The following RASGRF2 variants were observed in gnomAD, a reference collection of about 807,000 sequenced individuals.
The protein encoded by RASGRF2 is ras-specific guanine nucleotide-releasing factor 2.
RASGRF2 carries 76 observed loss-of-function variants against 151.0 expected under a neutral mutation model. That is an observed-to-expected ratio of 0.50 (90% CI 0.42 to 0.61). The LOEUF (loss-of-function observed/expected upper bound fraction) is 0.61, where lower values mean the gene tolerates loss of function less well. RASGRF2 is among the 20% of genes least tolerant of loss of function. The pLI, the probability that RASGRF2 is intolerant of heterozygous loss-of-function variation, is 0.00. For synonymous variants in RASGRF2, 504 were observed against 566.5 expected (o/e 0.89, Z 1.57); for missense variants, 1,148 against 1,564.6 (o/e 0.73, Z 4.49).
intron 17 of RASGRF2, among the ~76,000 whole-genome samples, chr5:81,145,125 C>T (rs1383515634): frequency 6.6e-6 from 1 of 151,910 alleles, no homozygotes; most frequent in African/African-American, 2.4e-5. Flanking sequence ...ATCTGTAATC[C>T]CAGCTACTTA....
At chr5:80,972,013 G>T (rs956536488) in intron 1 of RASGRF2, among the ~76,000 whole-genome samples, 4 of 152,128 alleles carry the variant, frequency 2.6e-5, no homozygotes, top group African/African-American at 7.2e-5. Context: ...GGGATTACAG[G>T]CATGAGCCAC....
intron 17 of RASGRF2, among the ~76,000 whole-genome samples, chr5:81,132,691 G>T (rs569980046): frequency 1.3e-5 from 2 of 152,256 alleles, no homozygotes; most frequent in South Asian, 4.1e-4. Flanking sequence ...AACTGTTAAA[G>T]CTTCATACTG....
At chr5:81,203,638 C>T (rs1196274658) in intron 19 of RASGRF2, among the ~76,000 whole-genome samples, 2 of 152,198 alleles carry the variant, frequency 1.3e-5, no homozygotes, top group Non-Finnish European at 2.9e-5. Context: ...CTACCTTTTG[C>T]AGGATGTCAC....
At chr5:81,139,478 A>G (rs1441148380) in intron 17 of RASGRF2, among the ~76,000 whole-genome samples, 4 of 146,160 alleles carry the variant, frequency 2.7e-5, no homozygotes, top group Non-Finnish European at 4.5e-5. Context: ...TGCCCACCTC[A>G]GTCTTCCAGA....
At chr5:81,151,867 T>C (rs1029239019) in intron 17 of RASGRF2, among the ~76,000 whole-genome samples, 35 of 152,242 alleles carry the variant, frequency 2.3e-4, no homozygotes, top group Non-Finnish European at 1.0e-4. Flanking sequence ...TCAATTCAGC[T>C]AACTTTTTTT....
chr5:81,220,829 T>C (rs1755842033), intron 26 of RASGRF2, among the ~76,000 whole-genome samples: 1 of 152,208 alleles, frequency 6.6e-6, no homozygotes, highest in South Asian at 2.1e-4. Context: ...TTACCTAATA[T>C]CCTCTTTCTG....
chr5:81,000,647 G>C (rs1030739745), intron 1 of RASGRF2, among the ~76,000 whole-genome samples: 1 of 152,122 alleles, frequency 6.6e-6, no homozygotes, highest in African/African-American at 2.4e-5. Flanking sequence ...AATGTGTCAA[G>C]AGCATATCCG....
rs1443558558 is a variant in RASGRF2 at position 81,030,961 on chromosome 5, C to T, written c.289-11916C>T. ...AATAAAGGGATGGAGGAAGATCTAC[C>T]AAGAAAATGGAAAACAAAAAAAGGC... On this transcript the variant is annotated intron_variant, in intron 1 of 26. Coordinates refer to ENST00000265080, the MANE Select transcript of RASGRF2 (RefSeq NM_006909.3). Among the ~76,000 whole-genome samples the T allele has an allele frequency of 2.0e-5, 3 of 151,946 alleles. No individual in the cohort carries two copies. In the East Asian group the frequency reaches 5.8e-4, roughly 29 times the overall value.
chr5:81,030,679 C>A (rs1175537706), intron 1 of RASGRF2, among the ~76,000 whole-genome samples: 2 of 152,148 alleles, frequency 1.3e-5, no homozygotes, highest in Non-Finnish European at 2.9e-5. Flanking sequence ...ACAGCCAGTA[C>A]CAGCCACTGC....
chr5:81,165,541 T>C (rs1164436816), intron 17 of RASGRF2, among the ~76,000 whole-genome samples: 1 of 152,236 alleles, frequency 6.6e-6, no homozygotes, highest in African/African-American at 2.4e-5. Context: ...CACCTTGTAA[T>C]CAGTATGGAT....
At chr5:80,998,979 T>C (rs910764893) in intron 1 of RASGRF2, among the ~76,000 whole-genome samples, 1 of 152,196 alleles carries the variant, frequency 6.6e-6, no homozygotes, top group African/African-American at 2.4e-5. Flanking sequence ...TCTTGGTCCC[T>C]GGGGCTTAGA....
intron 2 of RASGRF2, among the ~76,000 whole-genome samples, chr5:81,052,510 A>T (rs1452016474): frequency 6.6e-6 from 1 of 152,130 alleles, no homozygotes; most frequent in Non-Finnish European, 1.5e-5. Flanking sequence ...ATCTCTCTTA[A>T]CTAAGATGCT....
intron 12 of RASGRF2, among the ~76,000 whole-genome samples, chr5:81,107,585 C>T (rs1197128866): frequency 1.3e-5 from 2 of 152,160 alleles, no homozygotes. Flanking sequence ...CAAGCGCTCT[C>T]AACATAAAGT....
chr5:81,169,428 G>A (rs992416718), intron 17 of RASGRF2, among the ~76,000 whole-genome samples: 14 of 152,216 alleles, frequency 9.2e-5, no homozygotes. Context: ...GGAGAATCCT[G>A]CCTTGCCTCC....
chr5:81,201,210 T>C, intron 18 of RASGRF2, 120 bp from the exon 19 acceptor site: 1 of 1,420,422 alleles, frequency 7.0e-7, no homozygotes, highest in African/African-American at 1.4e-5. Flanking sequence ...AACTCTAGGG[T>C]CCATACATTT....
intron 17 of RASGRF2, among the ~76,000 whole-genome samples, chr5:81,128,536 C>G (rs1753531496): frequency 6.6e-6 from 1 of 152,178 alleles, no homozygotes; most frequent in Admixed American, 6.5e-5. Flanking sequence ...CAGAGTTCTT[C>G]ACCCTTTATA....
chr5:81,116,197 C>G (rs1437194210), intron 15 of RASGRF2, among the ~76,000 whole-genome samples: 1 of 150,484 alleles, frequency 6.6e-6, no homozygotes, highest in Non-Finnish European at 1.5e-5. Context: ...ATTCTCCTGC[C>G]TCAGCCTCCT....
chr5:81,154,501 A>T (rs936068657), intron 17 of RASGRF2, among the ~76,000 whole-genome samples: 3 of 152,208 alleles, frequency 2.0e-5, no homozygotes, highest in African/African-American at 7.2e-5. Flanking sequence ...AAGTGCTGAG[A>T]TTATAAGTGT....
At chr5:81,137,226 G>A (rs1410610168) in intron 17 of RASGRF2, among the ~76,000 whole-genome samples, 1 of 152,066 alleles carries the variant, frequency 6.6e-6, no homozygotes, top group Non-Finnish European at 1.5e-5. Flanking sequence ...TGTAAAATGG[G>A]CTTTGTGTTA....
Sources: gnomAD v4.1 joint callset for allele counts (sites outside exome capture counted in the v4.1 genomes callset) on GRCh38, gnomAD v4.1.1 for gene constraint, MANE v1.5 for transcripts, NCBI Gene and HGNC (gene_info 2026-07-23, HGNC 2026-07-21) for gene names.